Variants in PPP2R2B observed in about 807,000 individuals in gnomAD.
The protein encoded by PPP2R2B is serine/threonine-protein phosphatase 2A 55 kDa regulatory subunit B beta isoform.
A neutral mutation model predicts 46.0 loss-of-function variants in PPP2R2B; 5 were observed. That is an observed-to-expected ratio of 0.11 (90% CI 0.06 to 0.23). PPP2R2B has a LOEUF of 0.23. Among genes scored for constraint, PPP2R2B ranks in the 10% least tolerant of loss-of-function variants. PPP2R2B has a pLI of 1.00. For synonymous variants in PPP2R2B, 215 were observed against 206.7 expected (o/e 1.04, Z -0.34); for missense variants, 367 against 575.0 (o/e 0.64, Z 3.70).
At chr5:146,866,512 G>A (rs1238467304) in intron 2 of PPP2R2B, among the ~76,000 whole-genome samples, 4 of 151,996 alleles carry the variant, frequency 2.6e-5, no homozygotes, top group African/African-American at 9.7e-5. Context: ...ACTAGGAGAT[G>A]GATAAACAAT....
intron 1 of PPP2R2B, among the ~76,000 whole-genome samples, chr5:146,912,860 C>A (rs1763241621): frequency 6.6e-6 from 1 of 152,066 alleles, no homozygotes; most frequent in African/African-American, 2.4e-5. Flanking sequence ...TAACAAACAC[C>A]AAGTAAGTCT....
chr5:146,801,890 T>C (rs1235029604), intron 2 of PPP2R2B, among the ~76,000 whole-genome samples: 1 of 152,170 alleles, frequency 6.6e-6, no homozygotes, highest in Non-Finnish European at 1.5e-5. Context: ...AATTCGAAGA[T>C]GAGTTAGTGC....
At chr5:146,637,895 T>C (rs1774924741) in intron 7 of PPP2R2B, among the ~76,000 whole-genome samples, 1 of 152,188 alleles carries the variant, frequency 6.6e-6, no homozygotes, top group South Asian at 2.1e-4. Flanking sequence ...CTCACCTCTT[T>C]GTCCAGGCCA....
intron 2 of PPP2R2B, among the ~76,000 whole-genome samples, chr5:146,764,078 AG>A (rs1754323064): frequency 6.6e-6 from 1 of 152,154 alleles, no homozygotes; most frequent in Non-Finnish European, 1.5e-5. Flanking sequence ...AGAAACGTAC[AG>A]GTGGCAGAAC....
intron 1 of PPP2R2B, among the ~76,000 whole-genome samples, chr5:146,889,990 G>T (rs1175109205): frequency 6.6e-6 from 1 of 152,202 alleles, no homozygotes; most frequent in East Asian, 1.9e-4. Context: ...GGTGACAGAC[G>T]AGCATGAGAC....
chr5:146,889,853 C>G (rs1307089880), intron 1 of PPP2R2B, among the ~76,000 whole-genome samples: 1 of 152,166 alleles, frequency 6.6e-6, no homozygotes, highest in African/African-American at 2.4e-5. Context: ...CCAGGCAATG[C>G]TAATCATACA....
chr5:146,796,210 T>A (rs1756525112), intron 2 of PPP2R2B, among the ~76,000 whole-genome samples: 1 of 152,122 alleles, frequency 6.6e-6, no homozygotes, highest in Non-Finnish European at 1.5e-5. Flanking sequence ...AATTGGGCAA[T>A]GAAAAAAACC....
At chr5:146,782,189 G>A (rs145994054) in intron 2 of PPP2R2B, among the ~76,000 whole-genome samples, 2 of 152,232 alleles carry the variant, frequency 1.3e-5, no homozygotes, top group Non-Finnish European at 2.9e-5. Context: ...GCAGAACTGT[G>A]AGCCAGTTAA....
rs895716069 is a variant in PPP2R2B, at chr5:146,592,525, G to A, written c.1052+446C>T. On this transcript the variant is annotated intron_variant, in intron 9 of 9. Transcript: ENST00000394411. ...ATCACTTTGAGGGAATGTGATAAATGAGGTTGACTAGAATTCAGTTAATGA... is the reference window on the plus strand; with the variant it reads ...ATCACTTTGAGGGAATGTGATAAATAAGGTTGACTAGAATTCAGTTAATGA... Among the ~76,000 whole-genome samples, 6 of 152,212 alleles carry A rather than the reference G, an allele frequency of 3.9e-5. No homozygotes were observed. The East Asian group carries it at 5.8e-4, about 15-fold the overall frequency.
At chr5:146,795,437 A>G (rs761150355) in intron 2 of PPP2R2B, among the ~76,000 whole-genome samples, 8 of 152,180 alleles carry the variant, frequency 5.3e-5, no homozygotes, top group Admixed American at 1.3e-4. Context: ...CCACACACAG[A>G]AAGACAATAC....
chr5:147,054,638 G>GCCCC (rs907790552), intron 1 of PPP2R2B: 1 of 456,104 alleles, frequency 2.2e-6, no homozygotes, highest in Non-Finnish European at 4.4e-6. Flanking sequence ...TAAACACACA[G>GCCCC]CCCCCAGTCT....
Position 146,878,754 on chromosome 5 carries a change from T to A in PPP2R2B, c.-288A>T. The A allele has an allele frequency of 7.5e-7, 1 of 1,334,726 alleles. No individual in the cohort carries two copies. Among genetic ancestry groups the A allele is most frequent in the Admixed American group, 2.3e-5 (1 of 44,360 alleles). The allele number at this position is 1,334,726 out of a possible 1,614,324, so 82.7% of individuals were successfully genotyped here. On this transcript the variant is annotated 5_prime_UTR_variant, in exon 1 of 10. Transcript: ENST00000394411. This position sits in a 1 kb window ranked among gnomAD's most constrained non-coding sequence, Gnocchi z 4.5. The stretch of plus-strand genomic sequence containing the variant: ...CTGCTGCTGCTGCTGCTGCTGCTGC[T>A]GCTGCAGGAGGCTGGAGGCGGCTGG...
intron 7 of PPP2R2B, among the ~76,000 whole-genome samples, chr5:146,608,881 T>C (rs1772563864): frequency 6.6e-6 from 1 of 152,110 alleles, no homozygotes; most frequent in East Asian, 1.9e-4. Context: ...TCAATTCTAC[T>C]CCAACTGTTA....
chr5:146,852,854 G>A (rs547549776), intron 2 of PPP2R2B, among the ~76,000 whole-genome samples: 2 of 152,240 alleles, frequency 1.3e-5, no homozygotes, highest in African/African-American at 4.8e-5. Flanking sequence ...TGACAAAAAA[G>A]CGGAGGCAGA....
At chr5:146,890,702 A>G (rs1762466783) in intron 1 of PPP2R2B, among the ~76,000 whole-genome samples, 1 of 152,236 alleles carries the variant, frequency 6.6e-6, no homozygotes, top group African/African-American at 2.4e-5. Flanking sequence ...TAAACATCCC[A>G]CAAATAGAGA....
chr5:146,877,997 G>T lies in PPP2R2B; in HGVS notation c.70+5C>A. The stretch of plus-strand genomic sequence containing the variant: ...AACGGCGGAATGCGGCGGGGCTGGC[G>T]TTACCTTCGGTCGCATAGCTGTGGT... On this transcript the variant is annotated splice_donor_5th_base_variant and intron_variant, in intron 2 of 9. Transcript: ENST00000394411. 4 of 1,610,410 alleles carry T rather than the reference G, an allele frequency of 2.5e-6. No homozygotes were observed. Among genetic ancestry groups the T allele is most frequent in the Middle Eastern group, 1.7e-4 (1 of 6,050 alleles).
intron 1 of PPP2R2B, among the ~76,000 whole-genome samples, chr5:146,954,043 C>T (rs1482689858): frequency 1.3e-5 from 2 of 151,728 alleles, no homozygotes; most frequent in Non-Finnish European, 2.9e-5. Context: ...GGTGTGCATG[C>T]AATTTAATTT....
At chr5:146,782,574 T>A (rs1192396729) in intron 2 of PPP2R2B, among the ~76,000 whole-genome samples, 1 of 152,224 alleles carries the variant, frequency 6.6e-6, no homozygotes, top group Non-Finnish European at 1.5e-5. Flanking sequence ...CTCTCTTGAT[T>A]TTTAATTCTT....
intron 1 of PPP2R2B, among the ~76,000 whole-genome samples, chr5:147,024,987 C>T (rs948172209): frequency 1.5e-4 from 23 of 151,406 alleles, no homozygotes; most frequent in African/African-American, 5.6e-4. Context: ...AAAATGGAAC[C>T]ACGAATAGGC....
Sources: gnomAD v4.1 joint callset for allele counts (sites outside exome capture counted in the v4.1 genomes callset) on GRCh38, gnomAD v4.1.1 for gene constraint, Gnocchi (gnomAD v3.1) non-coding constraint, MANE v1.5 for transcripts, NCBI Gene and HGNC (gene_info 2026-07-23, HGNC 2026-07-21) for gene names.